Variants in CTNND2 observed in about 807,000 individuals in gnomAD.
CTNND2 encodes the protein catenin delta-2.
Under a neutral mutation model 144.4 loss-of-function variants are expected in CTNND2, and 22 were observed. The observed-to-expected ratio is 0.15, with a 90% CI of 0.11 to 0.22. CTNND2 has a LOEUF of 0.22. Among genes scored for constraint, CTNND2 ranks in the 10% least tolerant of loss-of-function variants. The pLI, the probability that CTNND2 is intolerant of heterozygous loss-of-function variation, is 1.00. For missense variants in CTNND2, 1,353 were observed against 1,618.8 expected, an observed-to-expected ratio of 0.84 and a Z score of 2.82; for synonymous variants, 751 against 695.6, an observed-to-expected ratio of 1.08 and a Z score of -1.25.
chr5:11,174,550 T>A (rs1760270777), intron 11 of CTNND2, among the ~76,000 whole-genome samples: 1 of 152,210 alleles, frequency 6.6e-6, no homozygotes, highest in African/African-American at 2.4e-5. Flanking sequence ...TTTGAAACTG[T>A]TTCTCTTTTA....
intron 3 of CTNND2, among the ~76,000 whole-genome samples, chr5:11,563,785 T>C (rs540294474): frequency 6.6e-6 from 1 of 151,910 alleles, no homozygotes; most frequent in South Asian, 2.1e-4. Flanking sequence ...TTTAACAGCA[T>C]GTGACTCCAA....
chr5:11,828,959 G>A (rs1281514756), intron 1 of CTNND2, among the ~76,000 whole-genome samples: 2 of 152,122 alleles, frequency 1.3e-5, no homozygotes, highest in African/African-American at 2.4e-5. Context: ...CAGATGGAGA[G>A]GAGGAACTTG....
At chr5:11,221,622 G>A (rs1580627276) in intron 10 of CTNND2, among the ~76,000 whole-genome samples, 1 of 152,196 alleles carries the variant, frequency 6.6e-6, no homozygotes, top group African/African-American at 2.4e-5. Context: ...GACATCACAT[G>A]ATACGAAGCC....
intron 9 of CTNND2, among the ~76,000 whole-genome samples, chr5:11,343,540 CTCTT>C (rs1754468645): frequency 1.3e-5 from 2 of 152,284 alleles, no homozygotes; most frequent in South Asian, 4.1e-4. Flanking sequence ...CATAAATATA[CTCTT>C]TCTTTTTCCT....
chr5:11,763,113 T>C (rs944285416), intron 1 of CTNND2, among the ~76,000 whole-genome samples: 2 of 152,134 alleles, frequency 1.3e-5, no homozygotes, highest in Middle Eastern at 3.2e-3. Context: ...TCACTCTCTC[T>C]CTCCTGCTGG....
At position 10,978,527 on chromosome 5, in the gene CTNND2, C is replaced by T. The variant is rs61752680; in HGVS notation, c.3417+3246G>A. Among the ~76,000 whole-genome samples, 1,220 of 152,090 alleles carry T rather than the reference C, an allele frequency of 8.0e-3. 15 individuals carry two copies. Among genetic ancestry groups the T allele is most frequent in the African/African-American group, 0.027 (1,123 of 41,526 alleles). On this transcript the variant is annotated intron_variant, in intron 21 of 21. Transcript: ENST00000304623. ...GGGGGGGAACCCTCTCTTTGGTGGA[C>T]GTTTAAAAATGGATGTTAGGCTAAG...
chr5:11,202,304 C>A (rs1254221233), intron 10 of CTNND2, among the ~76,000 whole-genome samples: 1 of 152,004 alleles, frequency 6.6e-6, no homozygotes, highest in African/African-American at 2.4e-5. Flanking sequence ...TGAATTCAAA[C>A]TGAATGCAGC....
chr5:11,718,421 C>T (rs10078680), intron 2 of CTNND2, among the ~76,000 whole-genome samples: 45,459 of 151,966 alleles, frequency 0.3, 9,935 homozygotes, highest in African/African-American at 0.62. Context: ...ATCTCCTTCT[C>T]CATTCACGGA....
At chr5:11,810,981 G>A (rs867997570) in intron 1 of CTNND2, among the ~76,000 whole-genome samples, 2 of 152,060 alleles carry the variant, frequency 1.3e-5, no homozygotes, top group Non-Finnish European at 2.9e-5. Flanking sequence ...TGTGCTATGA[G>A]TTAGACATAC....
At chr5:11,810,739 G>C (rs566114691) in intron 1 of CTNND2, among the ~76,000 whole-genome samples, 1 of 152,250 alleles carries the variant, frequency 6.6e-6, no homozygotes, top group South Asian at 2.1e-4. Context: ...GTATGCTATT[G>C]ATTAAAATGA....
chr5:11,024,588 AG>A lies in CTNND2; in HGVS notation c.2789-1610del, dbSNP rs937301351. ...CTTTTTCTTATAAGGAAAGTGATGA[AG>A]GAAGGGCAAAATAACTGAAAAAATA... On this transcript the variant is annotated intron_variant, in intron 16 of 21. Coordinates refer to ENST00000304623, the MANE Select transcript of CTNND2 (RefSeq NM_001332.4). Among the ~76,000 whole-genome samples the A allele has an allele frequency of 1.7e-4, 26 of 152,296 alleles. No individual in the cohort carries two copies. In the South Asian group the frequency reaches 2.7e-3, roughly 16 times the overall value.
intron 9 of CTNND2, among the ~76,000 whole-genome samples, chr5:11,307,598 C>T (rs154721): frequency 0.01 from 1,572 of 152,206 alleles, 30 homozygotes; most frequent in African/African-American, 0.036. Context: ...ATCTTATGCT[C>T]ATTTTAACTG....
intron 1 of CTNND2, among the ~76,000 whole-genome samples, chr5:11,889,089 T>A (rs956681647): frequency 1.3e-5 from 2 of 152,152 alleles, no homozygotes; most frequent in African/African-American, 4.8e-5. Context: ...TCACGGCATG[T>A]ACCAACCTTG....
At chr5:11,365,808 C>G (rs1397020846) in intron 7 of CTNND2, among the ~76,000 whole-genome samples, 1 of 152,144 alleles carries the variant, frequency 6.6e-6, no homozygotes, top group African/African-American at 2.4e-5. Flanking sequence ...ACAGTCAGAA[C>G]CACTGGAGCA....
At chr5:11,493,456 G>A (rs1298509881) in intron 3 of CTNND2, among the ~76,000 whole-genome samples, 1 of 152,192 alleles carries the variant, frequency 6.6e-6, no homozygotes, top group Non-Finnish European at 1.5e-5. Flanking sequence ...TGATCCTGAA[G>A]GTTCCTTAGA....
chr5:11,525,131 T>C (rs1385127514), intron 3 of CTNND2, among the ~76,000 whole-genome samples: 2 of 152,208 alleles, frequency 1.3e-5, no homozygotes, highest in Non-Finnish European at 2.9e-5. Flanking sequence ...CTACCTTCCT[T>C]ATGACACACT....
At chr5:11,743,526 T>A (rs910480119) in intron 1 of CTNND2, among the ~76,000 whole-genome samples, 2 of 152,162 alleles carry the variant, frequency 1.3e-5, no homozygotes, top group Non-Finnish European at 2.9e-5. Context: ...ATATAGAATC[T>A]GGCAAAACAT....
chr5:11,447,119 A>G (rs1275108762), intron 3 of CTNND2, among the ~76,000 whole-genome samples: 1 of 152,162 alleles, frequency 6.6e-6, no homozygotes, highest in Non-Finnish European at 1.5e-5. Context: ...TAAGGCGGGC[A>G]GCTCAATTGC....
At chr5:11,715,385 T>C (rs1355989135) in intron 2 of CTNND2, among the ~76,000 whole-genome samples, 1 of 152,214 alleles carries the variant, frequency 6.6e-6, no homozygotes, top group Non-Finnish European at 1.5e-5. Context: ...ACAAGGCAGT[T>C]TGTAACCATT....
Sources: gnomAD v4.1 joint callset for allele counts (sites outside exome capture counted in the v4.1 genomes callset) on GRCh38, gnomAD v4.1.1 for gene constraint, MANE v1.5 for transcripts, NCBI Gene and HGNC (gene_info 2026-07-23, HGNC 2026-07-21) for gene names.